Variants in CBLB observed in about 807,000 individuals in gnomAD.
The protein encoded by CBLB is E3 ubiquitin-protein ligase CBL-B.
CBLB carries 31 observed loss-of-function variants against 104.9 expected under a neutral mutation model. The ratio of observed to expected loss-of-function variants is 0.30; its 90% confidence interval spans 0.22 to 0.40. The LOEUF (loss-of-function observed/expected upper bound fraction) is 0.40, where lower values mean the gene tolerates loss of function less well. CBLB is among the 10% of genes least tolerant of loss of function. CBLB has a pLI of 1.00. For missense variants in CBLB, 1,062 were observed against 1,214.6 expected, an observed-to-expected ratio of 0.87 and a Z score of 1.87; for synonymous variants, 440 against 422.6, an observed-to-expected ratio of 1.04 and a Z score of -0.51.
rs1428571574 is a variant in CBLB at position 105,670,310 on chromosome 3, G to A, written c.2612C>T (p.Pro871Leu). Residue 871 changes from proline (P) to leucine (L), a missense_variant, in exon 18 of 19, where the codon CCT (proline) becomes CTT (leucine). Physicochemically the swap from Pro to Leu is moderately conservative, Grantham distance 98. Transcript: ENST00000394030. ...DLASGQVPLPPARRLPGENVK... is the reference protein window; with the variant it reads ...DLASGQVPLPLARRLPGENVK... ...ATTTTCACCTGGTAACCTTCTAGCAGGAGGCAAAGGAACTTGGCCACTTGC... is the reference window on the plus strand; with the variant it reads ...ATTTTCACCTGGTAACCTTCTAGCAAGAGGCAAAGGAACTTGGCCACTTGC... 2 of 1,609,360 alleles carry A rather than the reference G, an allele frequency of 1.2e-6. No individual in the cohort carries two copies. The highest frequency in any genetic ancestry group is 1.1e-5 in the South Asian group (1 of 91,008).
At chr3:105,868,154 C>T (rs951696858) in intron 1 of CBLB, 16 of 1,170,780 alleles carry the variant, frequency 1.4e-5, no homozygotes, top group Non-Finnish European at 1.6e-5. Flanking sequence ...CCACCAAGTA[C>T]GGACACACGA....
intron 3 of CBLB, among the ~76,000 whole-genome samples, chr3:105,780,666 T>TTTTTTTTTTTTTTTG (rs2080126203): frequency 1.6e-5 from 2 of 122,766 alleles, no homozygotes; most frequent in African/African-American, 6.0e-5. Flanking sequence ...TTTTGTTTTT[T>TTTTTTTTTTTTTTTG]TTTTTTTTTT....
At chr3:105,684,645 C>T (rs1451875983) in intron 14 of CBLB, among the ~76,000 whole-genome samples, 3 of 151,906 alleles carry the variant, frequency 2.0e-5, no homozygotes, top group African/African-American at 2.4e-5. Context: ...CTCCGCCTCC[C>T]GGGTTCAAGC....
chr3:105,774,293 A>G (rs2079206606), intron 4 of CBLB, among the ~76,000 whole-genome samples: 1 of 152,214 alleles, frequency 6.6e-6, no homozygotes, highest in Non-Finnish European at 1.5e-5. Context: ...AAAAAATTCA[A>G]CCTTTCGAAA....
At chr3:105,824,858 A>C (rs1022078296) in intron 3 of CBLB, among the ~76,000 whole-genome samples, 2 of 152,066 alleles carry the variant, frequency 1.3e-5, no homozygotes, top group Admixed American at 1.3e-4. Flanking sequence ...TCTCTTGTTT[A>C]GACTTAGACC....
chr3:105,844,386 A>G (rs2089976025), intron 3 of CBLB, among the ~76,000 whole-genome samples: 2 of 152,244 alleles, frequency 1.3e-5, no homozygotes, highest in African/African-American at 2.4e-5. Flanking sequence ...GGTATATTAT[A>G]ATCACATGAT....
chr3:105,742,356 T>A (rs1320694723), intron 6 of CBLB, among the ~76,000 whole-genome samples: 1 of 152,194 alleles, frequency 6.6e-6, no homozygotes, highest in Non-Finnish European at 1.5e-5. Context: ...ACTTGTATAT[T>A]TAGTAGTAGA....
chr3:105,764,026 T>A (rs2077952657), intron 4 of CBLB, among the ~76,000 whole-genome samples: 1 of 152,252 alleles, frequency 6.6e-6, no homozygotes, highest in Non-Finnish European at 1.5e-5. Flanking sequence ...CCAAATATTT[T>A]GTAATGGATA....
At chr3:105,660,322 G>C (rs537494833) in intron 18 of CBLB, among the ~76,000 whole-genome samples, 3 of 152,006 alleles carry the variant, frequency 2.0e-5, no homozygotes, top group Admixed American at 2.0e-4. Flanking sequence ...CAAGTAGCTG[G>C]GATTACAGGC....
intron 3 of CBLB, among the ~76,000 whole-genome samples, chr3:105,831,513 T>A (rs1353476470): frequency 6.6e-6 from 1 of 152,234 alleles, no homozygotes; most frequent in East Asian, 1.9e-4. Context: ...ACTACAATGT[T>A]CTGACAAAAA....
chr3:105,868,690 C>A (rs1032184109), intron 1 of CBLB, 46 bp downstream of exon 1: 8 of 998,758 alleles, frequency 8.0e-6, no homozygotes, highest in African/African-American at 6.9e-5. Context: ...GGCCCCCGGG[C>A]CGGCAAGAAG....
In CBLB at chr3:105,655,940, G is replaced by C. The variant is rs1423839385; in HGVS notation, c.*3030C>G. Reference sequence around the variant, plus strand: ...AAGTGTTCTTGGTATATGAAATGCTGAGTTAAGAAATGGGACCCTTTTAAG... The same window carrying C: ...AAGTGTTCTTGGTATATGAAATGCTCAGTTAAGAAATGGGACCCTTTTAAG... On this transcript the variant is annotated 3_prime_UTR_variant, in exon 19 of 19. Transcript: ENST00000394030. 2 of 227,496 alleles carry C rather than the reference G, an allele frequency of 8.8e-6. No homozygotes were observed. The highest frequency in any genetic ancestry group is 4.4e-5 in the African/African-American group (2 of 45,010). 14.1% of individuals were successfully genotyped at this position (227,496 alleles called of 1,614,324 possible).
intron 6 of CBLB, among the ~76,000 whole-genome samples, chr3:105,745,394 A>C (rs1272301817): frequency 6.6e-6 from 1 of 152,226 alleles, no homozygotes; most frequent in Admixed American, 6.5e-5. Context: ...GGCTATAATA[A>C]AACACGAGGC....
rs781296502 is a variant in CBLB, at chr3:105,737,284, C to A, written c.984-26G>T. The A allele has an allele frequency of 3.8e-5, 43 of 1,143,874 alleles. No individual in the cohort carries two copies. In the Middle Eastern group the frequency reaches 2.5e-3, roughly 66 times the overall value. The allele number at this position is 1,143,874 out of a possible 1,614,324, so 70.9% of individuals were successfully genotyped here. A position where few individuals can be genotyped will look rare whatever the true frequency, so the allele number is the denominator to read the frequency against. Reference sequence around the variant, plus strand: ...CTGAATTTAAACAGAAACTTTATTACCTTAAATATACAAGTTTTAATTGCA... The same window carrying A: ...CTGAATTTAAACAGAAACTTTATTAACTTAAATATACAAGTTTTAATTGCA... On this transcript the variant is annotated intron_variant, in intron 7 of 18. Transcript: ENST00000394030.
At chr3:105,713,661 C>T (rs992507612) in intron 10 of CBLB, among the ~76,000 whole-genome samples, 1 of 152,182 alleles carries the variant, frequency 6.6e-6, no homozygotes, top group Non-Finnish European at 1.5e-5. Context: ...TTTTGCTAAT[C>T]ACATGCTAAT....
At chr3:105,826,123 C>A (rs2086545071) in intron 3 of CBLB, among the ~76,000 whole-genome samples, 1 of 42,724 alleles carries the variant, frequency 2.3e-5, no homozygotes, top group Admixed American at 2.0e-4. Context: ...TGACATGGAT[C>A]CAGCATGTCC....
chr3:105,687,522 TATAA>T (rs2067162222), intron 13 of CBLB, among the ~76,000 whole-genome samples: 1 of 152,074 alleles, frequency 6.6e-6, no homozygotes, highest in Admixed American at 6.5e-5. Context: ...AACTTACTAG[TATAA>T]ATTGTCAACT....
intron 8 of CBLB, among the ~76,000 whole-genome samples, chr3:105,735,812 G>A (rs1410236307): frequency 2.0e-5 from 3 of 152,100 alleles, no homozygotes; most frequent in Non-Finnish European, 4.4e-5. Context: ...CGGAAGTGGT[G>A]GCAGGCACCT....
At chr3:105,770,402 T>A (rs1023462927) in intron 4 of CBLB, among the ~76,000 whole-genome samples, 4 of 152,068 alleles carry the variant, frequency 2.6e-5, no homozygotes, top group Non-Finnish European at 5.9e-5. Context: ...GGAACAGATT[T>A]AGGGAAATAA....
Sources: gnomAD v4.1 joint callset for allele counts (sites outside exome capture counted in the v4.1 genomes callset) on GRCh38, gnomAD v4.1.1 for gene constraint, MANE v1.5 for transcripts, NCBI Gene and HGNC (gene_info 2026-07-23, HGNC 2026-07-21) for gene names.